XRCC4: variants seen among roughly 807,000 people sequenced by gnomAD.
XRCC4 encodes X-ray repair cross complementing 4.
Under a neutral mutation model 39.1 loss-of-function variants are expected in XRCC4, and 28 were observed. The ratio of observed to expected loss-of-function variants is 0.72; its 90% CI spans 0.53 to 0.98. The LOEUF is 0.98. XRCC4 is among the 50% of genes least tolerant of loss of function. XRCC4 has a pLI of 0.00. For synonymous variants in XRCC4, 123 were observed against 126.4 expected (o/e 0.97, Z 0.18); for missense variants, 350 against 376.4 (o/e 0.93, Z 0.58).
intron 2 of XRCC4, among the ~76,000 whole-genome samples, chr5:83,107,520 A>G (rs1746254833): frequency 6.6e-6 from 1 of 151,794 alleles, no homozygotes; most frequent in Non-Finnish European, 1.5e-5. Context: ...TTCCATTAGC[A>G]ATGTTTTATC....
chr5:83,342,274 G>T (rs1756784454), intron 7 of XRCC4, among the ~76,000 whole-genome samples: 1 of 152,156 alleles, frequency 6.6e-6, no homozygotes, highest in South Asian at 2.1e-4. Flanking sequence ...CAGCATCCTT[G>T]TAGATTCTGG....
At chr5:83,106,974 A>G (rs1043232595) in intron 2 of XRCC4, among the ~76,000 whole-genome samples, 1 of 152,066 alleles carries the variant, frequency 6.6e-6, no homozygotes, top group African/African-American at 2.4e-5. Context: ...TCATAACTGC[A>G]GTATATTCTA....
intron 6 of XRCC4, among the ~76,000 whole-genome samples, chr5:83,232,930 A>G (rs1752551031): frequency 1.3e-5 from 2 of 152,306 alleles, no homozygotes; most frequent in South Asian, 2.1e-4. Context: ...CACAACTAGC[A>G]AGAGGAACAG....
intron 7 of XRCC4, among the ~76,000 whole-genome samples, chr5:83,334,735 T>C (rs1437489236): frequency 6.6e-6 from 1 of 151,896 alleles, no homozygotes; most frequent in East Asian, 1.9e-4. Context: ...CAGATGATTA[T>C]CTTTATTTTG....
At chr5:83,154,364 A>G (rs1580301438) in intron 3 of XRCC4, among the ~76,000 whole-genome samples, 1 of 152,306 alleles carries the variant, frequency 6.6e-6, no homozygotes, top group Admixed American at 6.5e-5. Context: ...CATTTTGAGT[A>G]CCAACATGAA....
chr5:83,284,270 T>A (rs894228478), intron 7 of XRCC4, among the ~76,000 whole-genome samples: 3 of 151,946 alleles, frequency 2.0e-5, no homozygotes, highest in African/African-American at 7.2e-5. Context: ...CAATAACATA[T>A]TAGATCTATA....
At chr5:83,201,193 T>G (rs1276995575) in intron 4 of XRCC4, 1 of 152,224 alleles carries the variant, frequency 6.6e-6, no homozygotes, top group Admixed American at 6.5e-5. Context: ...CCATTCTCCT[T>G]GGCTCTTCTT....
chr5:83,235,519 A>G (rs1323150263), intron 6 of XRCC4, among the ~76,000 whole-genome samples: 2 of 152,162 alleles, frequency 1.3e-5, no homozygotes, highest in East Asian at 3.8e-4. Flanking sequence ...TTATATTTTC[A>G]TAATAAAAAA....
intron 1 of XRCC4, among the ~76,000 whole-genome samples, chr5:83,101,888 A>G (rs1023460414): frequency 2.6e-5 from 4 of 152,146 alleles, no homozygotes; most frequent in Non-Finnish European, 4.4e-5. Context: ...CACATCAGAC[A>G]ACATCAACAA....
intron 1 of XRCC4, among the ~76,000 whole-genome samples, chr5:83,079,331 CGTG>C (rs1299428326): frequency 6.6e-6 from 1 of 152,068 alleles, no homozygotes; most frequent in Non-Finnish European, 1.5e-5. Flanking sequence ...GTTAATCTGA[CGTG>C]GTGAGTTTTT....
chr5:83,190,205 G>A (rs1452058822), intron 3 of XRCC4, among the ~76,000 whole-genome samples: 1 of 152,092 alleles, frequency 6.6e-6, no homozygotes, highest in Non-Finnish European at 1.5e-5. Flanking sequence ...AACATAGCTA[G>A]GTCAAGGTAA....
intron 6 of XRCC4, among the ~76,000 whole-genome samples, chr5:83,215,165 A>G (rs1281614834): frequency 1.3e-5 from 2 of 151,894 alleles, no homozygotes; most frequent in African/African-American, 2.4e-5. Context: ...GCAAAACTCC[A>G]TCTCTACAAA....
intron 7 of XRCC4, among the ~76,000 whole-genome samples, chr5:83,275,727 T>C (rs1261836247): frequency 6.6e-6 from 1 of 152,212 alleles, no homozygotes; most frequent in East Asian, 1.9e-4. Context: ...TTTATGACCA[T>C]GATCTTAAAG....
At chr5:83,356,987 A>G (rs1757197225), downstream of XRCC4, among the ~76,000 whole-genome samples, 1 of 152,332 alleles carries the variant, frequency 6.6e-6, no homozygotes, top group East Asian at 1.9e-4. Flanking sequence ...AGGTCAAGAA[A>G]CTACTTTGGA....
chr5:83,164,020 A>G (rs1367539235), intron 3 of XRCC4, among the ~76,000 whole-genome samples: 1 of 152,182 alleles, frequency 6.6e-6, no homozygotes, highest in African/African-American at 2.4e-5. Flanking sequence ...AGAATTTTTA[A>G]AGAACTGCTA....
At chr5:83,161,935 G>C (rs1050346056) in intron 3 of XRCC4, among the ~76,000 whole-genome samples, 1 of 152,154 alleles carries the variant, frequency 6.6e-6, no homozygotes, top group African/African-American at 2.4e-5. Flanking sequence ...GGAGGCCAAG[G>C]CAGGCAGGTC....
At chr5:83,285,219 C>T (rs1424166780) in intron 7 of XRCC4, among the ~76,000 whole-genome samples, 6 of 151,998 alleles carry the variant, frequency 3.9e-5, no homozygotes, top group Non-Finnish European at 5.9e-5. Flanking sequence ...AAATATTTTC[C>T]ATTGTTACCT....
intron 3 of XRCC4, among the ~76,000 whole-genome samples, chr5:83,188,366 C>G (rs1332454133): frequency 6.6e-6 from 1 of 151,726 alleles, no homozygotes; most frequent in African/African-American, 2.4e-5. Context: ...GGCTGTGGTG[C>G]CCAGATATGT....
chr5:83,368,531 T>C, the XRCC4 span, among the ~76,000 whole-genome samples: 1 of 152,192 alleles, frequency 6.6e-6, no homozygotes, highest in African/African-American at 2.4e-5. Context: ...AACTGCTTTT[T>C]TGTAAACTGG....
Sources: gnomAD v4.1 joint callset for allele counts (sites outside exome capture counted in the v4.1 genomes callset) on GRCh38, gnomAD v4.1.1 for gene constraint, MANE v1.5 for transcripts, NCBI Gene and HGNC (gene_info 2026-07-23, HGNC 2026-07-21) for gene names.